Variants in TAFA4 observed in about 807,000 individuals in gnomAD.
TAFA4 encodes the protein chemokine-like protein TAFA-4.
In TAFA4, 20 loss-of-function variants were observed where a neutral mutation model predicts 21.1. That is an observed-to-expected ratio of 0.95 (90% CI 0.67 to 1.38). The LOEUF is 1.38. TAFA4 is among the 40% of genes most tolerant of loss of function. The pLI is 0.00. For missense variants in TAFA4, 211 were observed against 180.9 expected (o/e 1.17, Z -0.95); for synonymous variants, 71 against 67.4 (o/e 1.05, Z -0.26).
At chr3:68,819,205 G>A (rs1704057552) in intron 3 of TAFA4, among the ~76,000 whole-genome samples, 2 of 151,116 alleles carry the variant, frequency 1.3e-5, no homozygotes. Context: ...TGGAGGCGGA[G>A]GTTGCAGTGA....
At chr3:68,829,591 A>G (rs1704330409) in intron 3 of TAFA4, among the ~76,000 whole-genome samples, 1 of 152,178 alleles carries the variant, frequency 6.6e-6, no homozygotes, top group East Asian at 1.9e-4. Flanking sequence ...TCGGTTTGCC[A>G]GTATTTTATG....
At position 68,732,193 on chromosome 3, in the gene TAFA4, C is replaced by G. The variant is rs1702160656; in HGVS notation, c.*949G>C. 6.6e-6 allele frequency: 1 copy of G among 152,426 alleles called. No homozygotes were observed. The highest frequency in any genetic ancestry group is 2.4e-5 in the African/African-American group (1 of 41,372). 9.4% of individuals were successfully genotyped at this position (152,426 alleles called of 1,614,324 possible). The stretch of plus-strand genomic sequence containing the variant: ...AATAAGATGGCTAACACAGAAGTCA[C>G]AGAAGTAGGGAAACAGCTAAGTTAA... On this transcript the variant is annotated 3_prime_UTR_variant, in exon 6 of 6. Coordinates refer to ENST00000295569, the MANE Select transcript of TAFA4 (RefSeq NM_182522.5).
intron 1 of TAFA4, among the ~76,000 whole-genome samples, chr3:68,890,839 G>T: frequency 6.6e-6 from 1 of 152,176 alleles, no homozygotes; most frequent in East Asian, 1.9e-4. Context: ...TTCTGTCTGT[G>T]GCTGAATTTG....
At chr3:68,925,714 T>C (rs569923703) in intron 1 of TAFA4, among the ~76,000 whole-genome samples, 1 of 152,194 alleles carries the variant, frequency 6.6e-6, no homozygotes, top group Admixed American at 6.5e-5. Flanking sequence ...TGAAAAAGAA[T>C]GACATATAGC....
At chr3:68,908,402 T>A (rs2089924790) in intron 1 of TAFA4, among the ~76,000 whole-genome samples, 1 of 152,184 alleles carries the variant, frequency 6.6e-6, no homozygotes, top group African/African-American at 2.4e-5. Context: ...ATCCAGAGCC[T>A]GTCCTATTCA....
At chr3:68,928,461 C>T (rs2090129483) in intron 1 of TAFA4, among the ~76,000 whole-genome samples, 1 of 152,188 alleles carries the variant, frequency 6.6e-6, no homozygotes, top group South Asian at 2.1e-4. Flanking sequence ...ACAAATAAAC[C>T]ATAAATCATT....
At position 68,733,117 on chromosome 3, in the gene TAFA4, G is replaced by A. The variant is rs1321846231; in HGVS notation, c.*25C>T. 3 of 1,612,650 alleles carry A rather than the reference G, an allele frequency of 1.9e-6. No homozygotes were observed. In the African/African-American group the frequency reaches 4.0e-5, roughly 22 times the overall value. The stretch of plus-strand genomic sequence containing the variant: ...AGCTCCGCCTCCTGCTGCCCCTCCA[G>A]GATTGAAGCACACCTCTCTCTTCGC... On this transcript the variant is annotated 3_prime_UTR_variant, in exon 6 of 6. Transcript: ENST00000295569.
intron 1 of TAFA4, among the ~76,000 whole-genome samples, chr3:68,910,668 C>T (rs9874797): frequency 1.5e-3 from 236 of 152,344 alleles, no homozygotes; most frequent in African/African-American, 5.5e-3. Flanking sequence ...CGTAGACATT[C>T]CTTTTGTTCC....
rs2106950444 is a variant in TAFA4 at position 68,880,846 on chromosome 3, C to CT, written c.15-2dup. ...CACTGACTTAGCACAGACTCTCATCCTGGAGGAAAAGCAGGGCTGGAGTCA... is the reference window on the plus strand; with the variant it reads ...CACTGACTTAGCACAGACTCTCATCCTTGGAGGAAAAGCAGGGCTGGAGTCA... On this transcript the variant is annotated splice_acceptor_variant, in intron 2 of 5. Coordinates refer to ENST00000295569, the MANE Select transcript of TAFA4 (RefSeq NM_182522.5). LOFTEE classifies it high-confidence loss of function. The CT allele has an allele frequency of 6.2e-7, 1 of 1,612,808 alleles. No individual in the cohort carries two copies. The highest frequency in any genetic ancestry group is 2.2e-5 in the East Asian group (1 of 44,794).
At chr3:68,763,243 A>G (rs1430815439) in intron 3 of TAFA4, among the ~76,000 whole-genome samples, 2 of 152,174 alleles carry the variant, frequency 1.3e-5, no homozygotes, top group Non-Finnish European at 2.9e-5. Flanking sequence ...TTTTGTGAAC[A>G]TCCATGATCA....
chr3:68,748,475 G>T (rs1157204557), intron 4 of TAFA4, among the ~76,000 whole-genome samples: 1 of 152,204 alleles, frequency 6.6e-6, no homozygotes, highest in Non-Finnish European at 1.5e-5. Flanking sequence ...GGGTGCGGTG[G>T]CTCATGCCTG....
chr3:68,741,619 C>T (rs1702354199), intron 4 of TAFA4, among the ~76,000 whole-genome samples: 1 of 151,764 alleles, frequency 6.6e-6, no homozygotes, highest in South Asian at 2.1e-4. Context: ...AATGTGAAAC[C>T]CCATCTGTAC....
chr3:68,889,582 C>G (rs928794420), intron 1 of TAFA4, among the ~76,000 whole-genome samples: 1 of 152,166 alleles, frequency 6.6e-6, no homozygotes, highest in African/African-American at 2.4e-5. Context: ...ACATATGAAT[C>G]TGCAGGGCAT....
intron 4 of TAFA4, among the ~76,000 whole-genome samples, chr3:68,747,258 TCTCA>T (rs1267950437): frequency 6.6e-6 from 1 of 152,088 alleles, no homozygotes; most frequent in Non-Finnish European, 1.5e-5. Context: ...TCTCTCTCTC[TCTCA>T]AACACACACA....
chr3:68,818,779 A>G (rs962699070), intron 3 of TAFA4, among the ~76,000 whole-genome samples: 1 of 152,216 alleles, frequency 6.6e-6, no homozygotes, highest in African/African-American at 2.4e-5. Context: ...GTGTACCCCA[A>G]AACAATTACA....
rs1704492701 is a variant in TAFA4, at chr3:68,835,118, C to CCTG, written c.130+45611_130+45612insCAG. On this transcript the variant is annotated intron_variant, in intron 3 of 5. Transcript: ENST00000295569. The stretch of plus-strand genomic sequence containing the variant: ...CTCATGGCCTCTGCACCTGCTGTGT[C>CCTG]CACCACCTGGAACACCTGGCCCCCA... Among the ~76,000 whole-genome samples the CCTG allele has an allele frequency of 2.0e-5, 3 of 152,260 alleles. No homozygotes were observed. In the East Asian group the frequency reaches 5.8e-4, roughly 29 times the overall value.
chr3:68,840,320 AC>A (rs1340229448), intron 3 of TAFA4, among the ~76,000 whole-genome samples: 1 of 151,904 alleles, frequency 6.6e-6, no homozygotes, highest in Non-Finnish European at 1.5e-5. Flanking sequence ...TGATCCCCCC[AC>A]CTCAGCCCCT....
chr3:68,738,961 C>A, intron 5 of TAFA4, 114 bp downstream of exon 5: 3 of 1,456,280 alleles, frequency 2.1e-6, no homozygotes, highest in Non-Finnish European at 2.8e-6. Flanking sequence ...TAGCACTGCC[C>A]AAGCAGGTTT....
At chr3:68,930,660 T>C (rs912115346) in intron 1 of TAFA4, among the ~76,000 whole-genome samples, 2 of 152,176 alleles carry the variant, frequency 1.3e-5, no homozygotes, top group Admixed American at 6.5e-5. Flanking sequence ...CACTCGGTCA[T>C]TTTGGGAGGA....
Sources: gnomAD v4.1 joint callset for allele counts (sites outside exome capture counted in the v4.1 genomes callset) on GRCh38, gnomAD v4.1.1 for gene constraint, MANE v1.5 for transcripts, NCBI Gene and HGNC (gene_info 2026-07-23, HGNC 2026-07-21) for gene names.